ZNF618: variants seen among roughly 807,000 people sequenced by gnomAD.
ZNF618 encodes zinc finger protein 618.
ZNF618 carries 34 observed loss-of-function variants against 103.0 expected under a neutral mutation model. The ratio of observed to expected loss-of-function variants is 0.33; its 90% CI spans 0.25 to 0.44. ZNF618 has a LOEUF of 0.44. ZNF618 is among the 20% of genes least tolerant of loss of function. ZNF618 has a pLI of 1.00. For missense variants in ZNF618, 1,059 were observed against 1,295.4 expected, an observed-to-expected ratio of 0.82 and a Z score of 2.80; for synonymous variants, 551 against 542.2, an observed-to-expected ratio of 1.02 and a Z score of -0.23.
rs199644121 is a variant in ZNF618, at chr9:114,049,847, G to A, written c.2545G>A (p.Ala849Thr). The A allele has an allele frequency of 4.3e-5, 69 of 1,613,954 alleles. No individual in the cohort carries two copies. Among genetic ancestry groups the A allele is most frequent in the Non-Finnish European group, 5.3e-5 (63 of 1,179,906 alleles). ...GGCCGAGGAGGCCGACTTCGAGCCCGCTGCCAAGAAGCCCCGCTCTGCTGC... is the reference window on the plus strand; with the variant it reads ...GGCCGAGGAGGCCGACTTCGAGCCCACTGCCAAGAAGCCCCGCTCTGCTGC... The part of the protein sequence containing the change: ...SWAEEADFEP[A>T]AKKPRSAAVE... The change falls in exon 15 of 15, where the codon GCT becomes ACT. Residue 849 changes from alanine to threonine, a missense_variant. Ala to Thr is a moderately conservative substitution (Grantham distance 58). This residue lies in a region of ZNF618 where 156 missense variants were observed against 197.1 expected (regional missense o/e 0.79). Transcript: ENST00000374126.
chr9:114,055,081 G>C lies in ZNF618; in HGVS notation c.*4914G>C, dbSNP rs1417845947. 1.3e-5 allele frequency: 2 copies of C among 152,184 alleles called. No homozygotes were observed. Among genetic ancestry groups the C allele is most frequent in the Non-Finnish European group, 2.9e-5 (2 of 68,050 alleles). 9.4% of individuals were successfully genotyped at this position (152,184 alleles called of 1,614,324 possible). On this transcript the variant is annotated 3_prime_UTR_variant, in exon 15 of 15. Coordinates refer to ENST00000374126, the MANE Select transcript of ZNF618 (RefSeq NM_001318042.2). ...AACCGTGCGTCCCATGGGGCACCTT[G>C]ACTCTTCAAACCAAAATTCCTTAAA...
intron 10 of ZNF618, among the ~76,000 whole-genome samples, chr9:114,027,326 C>T (rs1320234653): frequency 1.3e-5 from 2 of 152,168 alleles, no homozygotes; most frequent in South Asian, 2.1e-4. Context: ...AGACTGAGGC[C>T]TTGGGATTTG....
intron 9 of ZNF618, among the ~76,000 whole-genome samples, chr9:114,011,730 A>G (rs17203945): frequency 0.15 from 22,863 of 152,280 alleles, 2,254 homozygotes; most frequent in Middle Eastern, 0.3. Flanking sequence ...TGGGAAGTAC[A>G]CCTTTCACAT....
At chr9:113,883,996 C>CCG (rs1807364501) in intron 1 of ZNF618, among the ~76,000 whole-genome samples, 1 of 49,870 alleles carries the variant, frequency 2.0e-5, no homozygotes, top group Non-Finnish European at 8.4e-5. Context: ...CCCCCCCCCC[C>CCG]CCCCCCGCCC....
At chr9:113,897,723 C>T (rs1027439787) in intron 1 of ZNF618, among the ~76,000 whole-genome samples, 5 of 152,252 alleles carry the variant, frequency 3.3e-5, no homozygotes, top group African/African-American at 9.6e-5. Flanking sequence ...CTTTGCATCA[C>T]TTACTCGGTT....
chr9:114,047,831 T>C (rs1845791999), intron 13 of ZNF618, 62 bp from the exon 14 acceptor site: 3 of 1,431,480 alleles, frequency 2.1e-6, no homozygotes, highest in Non-Finnish European at 2.9e-6. Context: ...CTAGTTCTCA[T>C]CTCGTTCCTC....
rs755729531 is a variant in ZNF618, at chr9:113,988,359, A to G, written c.116A>G (p.Glu39Gly). Residue 39 changes from glutamate (E) to glycine (G), a missense_variant, in exon 3 of 15, where the codon GAG becomes GGG. Glu to Gly is a moderately conservative substitution (Grantham distance 98). Transcript: ENST00000374126. Reference sequence around the variant, plus strand: ...CGCAGCCAGAAGAGCACCAAGGTGGAGGGCCCAGAGCCAGTGCCAGCCGAG... The same window carrying G: ...CGCAGCCAGAAGAGCACCAAGGTGGGGGGCCCAGAGCCAGTGCCAGCCGAG... ...LKRSQKSTKVEGPEPVPAEAS... is the reference protein window; with the variant it reads ...LKRSQKSTKVGGPEPVPAEAS... 7 of 1,613,204 alleles carry G rather than the reference A, an allele frequency of 4.3e-6. No individual in the cohort carries two copies. The highest frequency in any genetic ancestry group is 5.9e-6 in the Non-Finnish European group (7 of 1,179,840).
At chr9:113,944,532 T>G (rs1309818636) in intron 1 of ZNF618, among the ~76,000 whole-genome samples, 1 of 152,168 alleles carries the variant, frequency 6.6e-6, no homozygotes, top group Non-Finnish European at 1.5e-5. Flanking sequence ...GCCCACCTTG[T>G]CTCTCAATGT....
chr9:113,967,866 A>T (rs1315428503), intron 1 of ZNF618, among the ~76,000 whole-genome samples: 1 of 152,162 alleles, frequency 6.6e-6, no homozygotes, highest in East Asian at 1.9e-4. Flanking sequence ...GCCTGTCACC[A>T]TGTAGGACTA....
In ZNF618 at chr9:113,998,288, G is replaced by T; in HGVS notation, c.367G>T (p.Gly123Cys). 6.4e-6 allele frequency: 10 copies of T among 1,550,614 alleles called. No individual in the cohort carries two copies. Among genetic ancestry groups the T allele is most frequent in the Non-Finnish European group, 8.7e-6 (10 of 1,147,006 alleles). Residue 123 changes from glycine (G) to cysteine (C), a missense_variant, in exon 4 of 15, where the codon GGT becomes TGT. Physicochemically the swap from Gly to Cys is radical, Grantham distance 159. Around this residue, in one of 6 missense-constraint regions of ZNF618, gnomAD observed 194 missense variants for 209.0 expected, o/e 0.93. Coordinates refer to ENST00000374126, the MANE Select transcript of ZNF618 (RefSeq NM_001318042.2). ...AAAAGCGCCCGAAGGCAGCCCCCAC[G>T]GTGGATCTGTGCGAAGCCGGTATTC... The part of the protein sequence containing the change: ...DGKAPEGSPH[G>C]GSVRSRYSGT...
At chr9:114,019,282 TATAA>T (rs1476673083) in intron 10 of ZNF618, among the ~76,000 whole-genome samples, 1 of 152,234 alleles carries the variant, frequency 6.6e-6, no homozygotes, top group Non-Finnish European at 1.5e-5. Flanking sequence ...TTTAGGCTAT[TATAA>T]ATAAAGCTGC....
rs1846388232 is a variant in ZNF618 at position 114,055,124 on chromosome 9, T to TTGTCC, written c.*4957_*4958insTGTCC. 6.6e-6 allele frequency: 1 copy of TTGTCC among 152,246 alleles called. No individual in the cohort carries two copies. Among genetic ancestry groups the TTGTCC allele is most frequent in the Non-Finnish European group, 1.5e-5 (1 of 68,094 alleles). The allele number at this position is 152,246 out of a possible 1,614,324, so 9.4% of individuals were successfully genotyped here. A position where few individuals can be genotyped will look rare whatever the true frequency, so the allele number is the denominator to read the frequency against. On this transcript the variant is annotated 3_prime_UTR_variant, in exon 15 of 15. Coordinates refer to ENST00000374126, the MANE Select transcript of ZNF618 (RefSeq NM_001318042.2). ...TCCTTAAAGGGGCACAGCCCAGCCT[T>TTGTCC]GTCCGCAACCTCAGGGGCCTGGGAT...
intron 13 of ZNF618, 61 bp from the exon 14 acceptor site, chr9:114,047,832 C>G: frequency 3.5e-6 from 5 of 1,436,652 alleles, no homozygotes; most frequent in Non-Finnish European, 4.8e-6. Context: ...TAGTTCTCAT[C>G]TCGTTCCTCA....
intron 10 of ZNF618, chr9:114,027,994 C>CTCACACAGGGGCTGGCCCTGA (rs1466848720): frequency 6.6e-6 from 1 of 152,108 alleles, no homozygotes; most frequent in Non-Finnish European, 1.5e-5. Context: ...AGGGGCTGGC[C>CTCACACAGGGGCTGGCCCTGA]ACCACTGCTA....
chr9:114,037,882 A>T (rs1844763505), intron 13 of ZNF618, among the ~76,000 whole-genome samples: 1 of 152,172 alleles, frequency 6.6e-6, no homozygotes. Flanking sequence ...GTGGCAGCCA[A>T]GGCACTTGCC....
At chr9:113,988,859 T>C (rs574917311) in intron 3 of ZNF618, among the ~76,000 whole-genome samples, 27 of 152,316 alleles carry the variant, frequency 1.8e-4, no homozygotes, top group African/African-American at 6.5e-4. Context: ...GGGGGCCCAG[T>C]GAATCCCTTT....
chr9:114,011,082 C>T (rs1322590017), intron 9 of ZNF618, among the ~76,000 whole-genome samples: 3 of 152,118 alleles, frequency 2.0e-5, no homozygotes, highest in South Asian at 2.1e-4. Context: ...GAGTCAAGGG[C>T]AAGAGTTTTA....
chr9:114,035,210 T>A, intron 12 of ZNF618: 4 of 986,012 alleles, frequency 4.1e-6, no homozygotes, highest in Non-Finnish European at 4.8e-6. Flanking sequence ...GTCCCCTGAT[T>A]TCCAACCCTT....
intron 10 of ZNF618, among the ~76,000 whole-genome samples, chr9:114,017,401 C>T (rs1207923933): frequency 6.6e-6 from 1 of 152,172 alleles, no homozygotes; most frequent in Non-Finnish European, 1.5e-5. Flanking sequence ...CTCTAAGGGC[C>T]CTTCCCACAG....
Sources: gnomAD v4.1 joint callset for allele counts (sites outside exome capture counted in the v4.1 genomes callset) on GRCh38, gnomAD v4.1.1 for gene constraint, gnomAD v4.1.1 regional missense constraint, MANE v1.5 for transcripts, NCBI Gene and HGNC (gene_info 2026-07-23, HGNC 2026-07-21) for gene names.